Variants in SHB observed in about 807,000 individuals in gnomAD.
SHB encodes the protein SH2 domain-containing adapter protein B.
SHB carries 20 observed loss-of-function variants against 52.3 expected under a neutral mutation model. The observed-to-expected ratio is 0.38, with a 90% confidence interval of 0.27 to 0.56. SHB has a LOEUF of 0.56. Among genes scored for constraint, SHB ranks in the 20% least tolerant of loss-of-function variants. SHB has a pLI of 0.71. For missense variants in SHB, 825 were observed against 723.3 expected (o/e 1.14, Z -1.61); for synonymous variants, 397 against 316.5 (o/e 1.25, Z -2.70).
rs1832608913 is a variant in SHB, at chr9:37,954,771, G to GGATTCA, written c.1226+1111_1226+1112insTGAATC. On this transcript the variant is annotated intron_variant, in intron 4 of 5. Transcript: ENST00000377707. ...TTGCAGACAATTCACAGAATGAATG[G>GGATTCA]CAGGCTAGGGAGGTGGGACTTTATC... 2.0e-5 allele frequency among the ~76,000 whole-genome samples: 3 copies of GGATTCA among 152,192 alleles called. 1 individual carries two copies. Among genetic ancestry groups the GGATTCA allele is most frequent in the Admixed American group, 2.0e-4 (3 of 15,282 alleles).
intron 2 of SHB, among the ~76,000 whole-genome samples, chr9:38,012,737 G>A (rs1352200905): frequency 6.6e-6 from 1 of 151,078 alleles, no homozygotes; most frequent in Non-Finnish European, 1.5e-5. Context: ...CGCCACCTGC[G>A]GCACACGGAG....
chr9:37,968,532 T>A (rs1344936524), intron 3 of SHB, among the ~76,000 whole-genome samples: 1 of 152,250 alleles, frequency 6.6e-6, no homozygotes, highest in East Asian at 1.9e-4. Flanking sequence ...GTGTCTTTTA[T>A]CTTTGCTATG....
chr9:37,979,971 C>A (rs1251607042), intron 2 of SHB, among the ~76,000 whole-genome samples: 1 of 152,186 alleles, frequency 6.6e-6, no homozygotes, highest in African/African-American at 2.4e-5. Flanking sequence ...AAACTGCTTA[C>A]AATCATCTAA....
intron 2 of SHB, among the ~76,000 whole-genome samples, chr9:37,997,233 T>A (rs529703349): frequency 3.9e-4 from 59 of 152,296 alleles, no homozygotes; most frequent in Admixed American, 2.9e-3. Flanking sequence ...TTGCAAGCCA[T>A]CCTTTCCCTC....
At chr9:38,029,914 C>T (rs1025453552) in intron 1 of SHB, among the ~76,000 whole-genome samples, 2 of 152,190 alleles carry the variant, frequency 1.3e-5, no homozygotes, top group Non-Finnish European at 2.9e-5. Context: ...TGCCCCTGCA[C>T]CTAGATGTAC....
intron 1 of SHB, among the ~76,000 whole-genome samples, chr9:38,038,266 G>GCACC (rs565078775): frequency 1.7e-3 from 260 of 152,286 alleles, no homozygotes; most frequent in African/African-American, 5.9e-3. Flanking sequence ...AGACTTAAGA[G>GCACC]CACCACAAGG....
At chr9:37,953,978 C>T (rs1052797903) in intron 4 of SHB, among the ~76,000 whole-genome samples, 2 of 152,178 alleles carry the variant, frequency 1.3e-5, no homozygotes, top group African/African-American at 2.4e-5. Context: ...GAGAGCCCAA[C>T]CCTCCCACCT....
At chr9:37,965,870 T>C (rs1217161984) in intron 3 of SHB, among the ~76,000 whole-genome samples, 2 of 152,002 alleles carry the variant, frequency 1.3e-5, no homozygotes, top group Non-Finnish European at 2.9e-5. Flanking sequence ...GCACTGAGAG[T>C]TGGGGGCACA....
chr9:38,003,355 T>C (rs1821041665), intron 2 of SHB, among the ~76,000 whole-genome samples: 1 of 152,006 alleles, frequency 6.6e-6, no homozygotes, highest in South Asian at 2.1e-4. Context: ...GGCTAGGCCA[T>C]GCCCCTCGCT....
At chr9:38,049,223 A>G (rs748541539) in intron 1 of SHB, among the ~76,000 whole-genome samples, 18 of 152,298 alleles carry the variant, frequency 1.2e-4, no homozygotes, top group East Asian at 3.9e-4. Context: ...CGGTCTCCCT[A>G]TGTTGCCCAA....
chr9:37,982,275 C>G (rs1820737213), intron 2 of SHB, among the ~76,000 whole-genome samples: 1 of 151,100 alleles, frequency 6.6e-6, no homozygotes, highest in Admixed American at 6.6e-5. Context: ...GGTGGATCAC[C>G]TGAGGACAGG....
At chr9:37,958,678 T>A (rs1832661661) in intron 3 of SHB, among the ~76,000 whole-genome samples, 1 of 152,108 alleles carries the variant, frequency 6.6e-6, no homozygotes, top group African/African-American at 2.4e-5. Flanking sequence ...CCCTTTCCCA[T>A]CAGCTAATAA....
At chr9:38,015,143 G>A (rs767384936) in intron 2 of SHB, among the ~76,000 whole-genome samples, 29 of 152,296 alleles carry the variant, frequency 1.9e-4, no homozygotes, top group Non-Finnish European at 3.8e-4. Flanking sequence ...ATGTGCCCCT[G>A]CCCATGGCAC....
chr9:37,988,510 C>A (rs556817609), intron 2 of SHB, among the ~76,000 whole-genome samples: 1 of 152,120 alleles, frequency 6.6e-6, no homozygotes, highest in Non-Finnish European at 1.5e-5. Flanking sequence ...GCATGTTGGA[C>A]GCTGACCTGG....
At chr9:37,954,849 C>T (rs1269306504) in intron 4 of SHB, among the ~76,000 whole-genome samples, 1 of 152,046 alleles carries the variant, frequency 6.6e-6, no homozygotes, top group Non-Finnish European at 1.5e-5. Context: ...GGACCCTGCA[C>T]CCAGGGATGA....
At chr9:37,921,099 C>T (rs991937403) in intron 5 of SHB, among the ~76,000 whole-genome samples, 3 of 152,322 alleles carry the variant, frequency 2.0e-5, no homozygotes, top group Non-Finnish European at 4.4e-5. Flanking sequence ...CAGTTCCACG[C>T]CTTTTATGAT....
intron 3 of SHB, among the ~76,000 whole-genome samples, chr9:37,966,302 T>C (rs1820519423): frequency 6.6e-6 from 1 of 152,218 alleles, no homozygotes; most frequent in Non-Finnish European, 1.5e-5. Context: ...TCTTTGTTTT[T>C]TTTCCACTGA....
intron 1 of SHB, among the ~76,000 whole-genome samples, chr9:38,022,103 A>C (rs1396792609): frequency 1.3e-5 from 2 of 152,208 alleles, no homozygotes; most frequent in African/African-American, 4.8e-5. Context: ...ATTCACCTTT[A>C]AGACTATACA....
chr9:37,971,021 C>A (rs1820585160), intron 3 of SHB, among the ~76,000 whole-genome samples: 1 of 152,162 alleles, frequency 6.6e-6, no homozygotes, highest in Non-Finnish European at 1.5e-5. Context: ...CCATACAGCT[C>A]TTCCTCCAGC....
Sources: gnomAD v4.1 joint callset for allele counts (sites outside exome capture counted in the v4.1 genomes callset) on GRCh38, gnomAD v4.1.1 for gene constraint, MANE v1.5 for transcripts, NCBI Gene and HGNC (gene_info 2026-07-23, HGNC 2026-07-21) for gene names.